The following MTHFD2L variants were observed in gnomAD, a reference collection of about 807,000 sequenced individuals.
The protein encoded by MTHFD2L is bifunctional methylenetetrahydrofolate dehydrogenase/cyclohydrolase 2, mitochondrial.
Under a neutral mutation model 34.9 loss-of-function variants are expected in MTHFD2L, and 29 were observed. The observed-to-expected ratio is 0.83, with a 90% CI of 0.62 to 1.13. MTHFD2L has a LOEUF of 1.13. Among genes scored for constraint, MTHFD2L ranks in the 50% most tolerant of loss-of-function variants. The pLI is 0.00. For missense variants in MTHFD2L, 481 were observed against 446.5 expected (o/e 1.08, Z -0.70); for synonymous variants, 167 against 155.7 (o/e 1.07, Z -0.54).
chr4:74,157,046 T>A (rs1724332377), upstream of MTHFD2L: 1 of 152,230 alleles, frequency 6.6e-6, no homozygotes, highest in Non-Finnish European at 1.5e-5. Context: ...GTTTAAATTG[T>A]TTTTTTCTTT....
At chr4:74,140,046 T>G (rs761443452) in intron 1 of MTHFD2L, among the ~76,000 whole-genome samples, 1 of 152,172 alleles carries the variant, frequency 6.6e-6, no homozygotes, top group Non-Finnish European at 1.5e-5. Flanking sequence ...CCAGATGTGG[T>G]GGCTCATGCC....
Position 74,281,535 on chromosome 4 carries a change from GA to G in MTHFD2L, c.917del (p.Asp306ValfsTer24). 1 of 1,612,148 alleles carries G rather than the reference GA, an allele frequency of 6.2e-7. No homozygotes were observed. The highest frequency in any genetic ancestry group is 1.7e-4 in the Middle Eastern group (1 of 6,034). ...GACAGGAAAGACAAAATTAGTTGGAGATGTGGACTTCGAAGGTAATAAACCA... is the reference window on the plus strand; with the variant it reads ...GACAGGAAAGACAAAATTAGTTGGAGTGTGGACTTCGAAGGTAATAAACCA... ...PVTGKTKLVG[D>X]VDFEAVKKKA... On this transcript the variant is annotated frameshift_variant, in exon 7 of 8. Coordinates refer to ENST00000325278, the MANE Select transcript of MTHFD2L (RefSeq NM_001144978.3). LOFTEE classifies it high-confidence loss of function.
chr4:74,249,157 G>T (rs62009829), intron 6 of MTHFD2L, among the ~76,000 whole-genome samples: 137,667 of 149,338 alleles, frequency 0.92, 64,120 homozygotes, highest in Non-Finnish European at 0.99. Context: ...TTATGAATCT[G>T]GGTGCTCCTG....
intron 3 of MTHFD2L, chr4:74,183,327 C>T (rs1047925142): frequency 1.3e-5 from 2 of 151,954 alleles, no homozygotes; most frequent in African/African-American, 4.8e-5. Flanking sequence ...GAAGAGAGCT[C>T]AAAACTAAAA....
chr4:74,185,028 T>A (rs141757765), intron 3 of MTHFD2L, among the ~76,000 whole-genome samples: 186 of 151,876 alleles, frequency 1.2e-3, no homozygotes, highest in Middle Eastern at 0.01. Flanking sequence ...AGCAGATGCC[T>A]GTAGGCCCAG....
intron 6 of MTHFD2L, among the ~76,000 whole-genome samples, chr4:74,271,361 A>G (rs1405094657): frequency 6.6e-6 from 1 of 152,176 alleles, no homozygotes; most frequent in Non-Finnish European, 1.5e-5. Context: ...GGTGTAAGGA[A>G]GGGATCCAGT....
intron 3 of MTHFD2L, among the ~76,000 whole-genome samples, chr4:74,191,904 A>G (rs1340489912): frequency 1.3e-5 from 2 of 152,160 alleles, no homozygotes; most frequent in African/African-American, 4.8e-5. Context: ...GAAGGATCAG[A>G]CATATTTTCC....
At chr4:74,138,048 A>G (rs937746365) in intron 1 of MTHFD2L, among the ~76,000 whole-genome samples, 5 of 151,778 alleles carry the variant, frequency 3.3e-5, no homozygotes, top group Non-Finnish European at 7.4e-5. Context: ...AATTTTATAC[A>G]TAAATTTTAT....
intron 5 of MTHFD2L, among the ~76,000 whole-genome samples, chr4:74,209,957 CT>C (rs1314468168): frequency 3.3e-5 from 5 of 152,172 alleles, no homozygotes; most frequent in African/African-American, 1.2e-4. Context: ...TGATGATGAG[CT>C]TTTTTAAATA....
chr4:74,161,053 T>G (rs931027435), intron 1 of MTHFD2L: 1 of 152,248 alleles, frequency 6.6e-6, no homozygotes, highest in African/African-American at 2.4e-5. Context: ...CTTCATACTA[T>G]TATTTCTTTT....
At chr4:74,168,198 C>A (rs1433673480) in intron 1 of MTHFD2L, among the ~76,000 whole-genome samples, 2 of 152,222 alleles carry the variant, frequency 1.3e-5, no homozygotes, top group Admixed American at 6.5e-5. Flanking sequence ...CTTTCAAAGG[C>A]CTGCAGGGCC....
chr4:74,118,815 A>G (rs144735656), upstream of MTHFD2L, among the ~76,000 whole-genome samples: 27 of 152,316 alleles, frequency 1.8e-4, no homozygotes, highest in African/African-American at 6.3e-4. Context: ...CATTGCTCAC[A>G]TTACCTCCTG....
At chr4:74,267,139 A>G (rs1476998940) in intron 6 of MTHFD2L, 1 of 985,092 alleles carries the variant, frequency 1.0e-6, no homozygotes. Context: ...TTTGAAACCC[A>G]TTCCATTCGA....
chr4:74,238,714 G>A (rs1020133711), intron 6 of MTHFD2L, among the ~76,000 whole-genome samples: 3 of 152,180 alleles, frequency 2.0e-5, no homozygotes, highest in Non-Finnish European at 2.9e-5. Context: ...AGACATTTAT[G>A]CAGCCAACAA....
chr4:74,147,897 A>G (rs917504859), intron 1 of MTHFD2L, among the ~76,000 whole-genome samples: 1 of 152,108 alleles, frequency 6.6e-6, no homozygotes, highest in Non-Finnish European at 1.5e-5. Context: ...TTTTTAATAT[A>G]TTCTGAATAT....
In MTHFD2L at chr4:74,302,488, A is replaced by G. The variant is rs1216944581; in HGVS notation, c.*679A>G. The G allele has an allele frequency of 6.6e-6, 1 of 152,258 alleles. No homozygotes were observed. The highest frequency in any genetic ancestry group is 1.5e-5 in the Non-Finnish European group (1 of 67,994). The allele number at this position is 152,258 out of a possible 1,614,324, so 9.4% of individuals were successfully genotyped here. On this transcript the variant is annotated 3_prime_UTR_variant, in exon 8 of 8. Coordinates refer to ENST00000325278, the MANE Select transcript of MTHFD2L (RefSeq NM_001144978.3). ...TGAATGACTACTAAGAGTAATGATT[A>G]TATCACATTGTGAATGACTACTTGC...
At chr4:74,165,120 A>G (rs1726391810) in intron 1 of MTHFD2L, 2 of 281,844 alleles carry the variant, frequency 7.1e-6, no homozygotes, top group Non-Finnish European at 1.1e-5. Flanking sequence ...TATTTGGAAT[A>G]TCTATTGGCT....
intron 7 of MTHFD2L, among the ~76,000 whole-genome samples, chr4:74,289,083 A>G (rs1013345096): frequency 1.2e-3 from 178 of 152,354 alleles, no homozygotes; most frequent in African/African-American, 4.0e-3. Flanking sequence ...TTGGGATACA[A>G]CAGTGACCTA....
chr4:74,301,687 T>TC lies in MTHFD2L; in HGVS notation c.932-8dup, dbSNP rs1329037854. On this transcript the variant is annotated splice_polypyrimidine_tract_variant and intron_variant, in intron 7 of 7. Transcript: ENST00000325278. ...ATAAAGAATATCTGTTTGTTTTTTT[T>TC]CCTCATCAGCTGTTAAAAAGAAAGC... 7.2e-6 allele frequency: 11 copies of TC among 1,528,158 alleles called. No homozygotes were observed. The highest frequency in any genetic ancestry group is 9.7e-6 in the Non-Finnish European group (11 of 1,129,378). 94.7% of individuals were successfully genotyped at this position (1,528,158 alleles called of 1,614,324 possible). A position where few individuals can be genotyped will look rare whatever the true frequency, so the allele number is the denominator to read the frequency against.
Sources: gnomAD v4.1 joint callset for allele counts (sites outside exome capture counted in the v4.1 genomes callset) on GRCh38, gnomAD v4.1.1 for gene constraint, MANE v1.5 for transcripts, NCBI Gene and HGNC (gene_info 2026-07-23, HGNC 2026-07-21) for gene names.